Variants in WWOX observed in about 807,000 individuals in gnomAD.
WWOX encodes WW domain containing oxidoreductase.
WWOX carries 69 observed loss-of-function variants against 46.2 expected under a neutral mutation model. The observed-to-expected ratio is 1.49, with a 90% CI of 1.23 to 1.82. WWOX has a LOEUF of 1.82. Among genes scored for constraint, WWOX ranks in the 40% most tolerant of loss-of-function variants. The pLI, the probability that WWOX is intolerant of heterozygous loss-of-function variation, is 0.00. For synonymous variants in WWOX, 359 were observed against 202.6 expected (o/e 1.77, Z -6.56); for missense variants, 919 against 542.6 (o/e 1.69, Z -6.89).
At chr16:78,185,404 T>G (rs533643023) in intron 5 of WWOX, among the ~76,000 whole-genome samples, 77 of 152,276 alleles carry the variant, frequency 5.1e-4, no homozygotes, top group African/African-American at 1.9e-3. Context: ...TAGGAAGGAT[T>G]CACAGCTTTC....
At chr16:79,039,169 G>A (rs763215131) in intron 8 of WWOX, among the ~76,000 whole-genome samples, 14 of 152,110 alleles carry the variant, frequency 9.2e-5, no homozygotes, top group Non-Finnish European at 1.9e-4. Flanking sequence ...TGCAGGTGAT[G>A]CTCATGTTAC....
At chr16:78,489,974 C>A (rs1304297696) in intron 8 of WWOX, among the ~76,000 whole-genome samples, 1 of 152,134 alleles carries the variant, frequency 6.6e-6, no homozygotes, top group African/African-American at 2.4e-5. Flanking sequence ...ATAACCAATT[C>A]TTTTAAAAGA....
chr16:78,844,789 C>T (rs534662460), intron 8 of WWOX, among the ~76,000 whole-genome samples: 1 of 152,112 alleles, frequency 6.6e-6, no homozygotes, highest in Non-Finnish European at 1.5e-5. Context: ...TTTATGTATC[C>T]CCGGCCAGAG....
chr16:79,190,605 G>C (rs1353097782), intron 8 of WWOX, among the ~76,000 whole-genome samples: 1 of 152,204 alleles, frequency 6.6e-6, no homozygotes, highest in Non-Finnish European at 1.5e-5. Flanking sequence ...TTTGTCAAGG[G>C]AGGGAACTCA....
Position 78,632,557 on chromosome 16 carries a change from A to ATTTTTTTTTTTTTTTTTTTTT in WWOX, c.1056+199806_1056+199826dup, listed in dbSNP as rs545062752. The stretch of plus-strand genomic sequence containing the variant: ...CTCTCTTCCCCCACTTACTTGGCCA[A>ATTTTTTTTTTTTTTTTTTTTT]TTTTTTTTTTTTTTTTTTTTTGGTG... On this transcript the variant is annotated intron_variant, in intron 8 of 8. Coordinates refer to ENST00000566780, the MANE Select transcript of WWOX (RefSeq NM_016373.4). 5.4e-5 allele frequency among the ~76,000 whole-genome samples: 4 copies of ATTTTTTTTTTTTTTTTTTTTT among 74,748 alleles called. 1 individual carries two copies. The highest frequency in any genetic ancestry group is 9.6e-5 in the Non-Finnish European group (4 of 41,488). The allele number at this position is 74,748 out of a possible 152,430, so 49.0% of individuals were successfully genotyped here.
At chr16:78,257,159 T>A (rs1179825854) in intron 5 of WWOX, among the ~76,000 whole-genome samples, 1 of 152,070 alleles carries the variant, frequency 6.6e-6, no homozygotes, top group Admixed American at 6.6e-5. Flanking sequence ...TTTTTGTGAT[T>A]CTTCTAGGCT....
chr16:78,445,463 C>T (rs1446546827), intron 8 of WWOX, among the ~76,000 whole-genome samples: 1 of 152,094 alleles, frequency 6.6e-6, no homozygotes, highest in Non-Finnish European at 1.5e-5. Context: ...CTCATGGGGA[C>T]CGTATGTTGG....
At chr16:78,801,782 A>C (rs1219479900) in intron 8 of WWOX, among the ~76,000 whole-genome samples, 1 of 152,182 alleles carries the variant, frequency 6.6e-6, no homozygotes, top group African/African-American at 2.4e-5. Context: ...TTTCAGACAA[A>C]GGGACATTTC....
intron 8 of WWOX, among the ~76,000 whole-genome samples, chr16:78,625,654 A>C (rs77664573): frequency 6.6e-6 from 1 of 151,764 alleles, no homozygotes; most frequent in Non-Finnish European, 1.5e-5. Context: ...GGTTTTTGCC[A>C]TTAAAAGTAA....
intron 8 of WWOX, among the ~76,000 whole-genome samples, chr16:78,619,788 G>T (rs944896713): frequency 1.3e-5 from 2 of 151,740 alleles, no homozygotes; most frequent in African/African-American, 4.8e-5. Flanking sequence ...GCATGTCTGT[G>T]GTCCCAGCTA....
chr16:78,913,185 C>T (rs982309646), intron 8 of WWOX, among the ~76,000 whole-genome samples: 13 of 151,946 alleles, frequency 8.6e-5, no homozygotes, highest in African/African-American at 2.2e-4. Flanking sequence ...TGAGGAGATC[C>T]GAGACCTCAT....
chr16:78,778,555 C>T (rs1233960744), intron 8 of WWOX, among the ~76,000 whole-genome samples: 1 of 152,156 alleles, frequency 6.6e-6, no homozygotes, highest in Non-Finnish European at 1.5e-5. Context: ...CCAAGCTTCT[C>T]AGAAGAGCGA....
chr16:78,995,669 T>C (rs1021160853), intron 8 of WWOX, among the ~76,000 whole-genome samples: 1 of 152,194 alleles, frequency 6.6e-6, no homozygotes, highest in Admixed American at 6.5e-5. Flanking sequence ...ATTACATATA[T>C]AGCCAGCATT....
At chr16:78,321,006 G>A (rs2080455607) in intron 5 of WWOX, among the ~76,000 whole-genome samples, 1 of 152,022 alleles carries the variant, frequency 6.6e-6, no homozygotes, top group African/African-American at 2.4e-5. Flanking sequence ...TATTTATAAT[G>A]TACTCACACC....
intron 8 of WWOX, among the ~76,000 whole-genome samples, chr16:78,900,884 G>A (rs1026208745): frequency 7.9e-5 from 12 of 151,312 alleles, no homozygotes; most frequent in African/African-American, 2.7e-4. Context: ...TGATATTGTG[G>A]GAGATGGCTA....
At chr16:79,097,511 C>G (rs1284666066) in intron 8 of WWOX, among the ~76,000 whole-genome samples, 2 of 152,118 alleles carry the variant, frequency 1.3e-5, no homozygotes, top group Non-Finnish European at 2.9e-5. Flanking sequence ...CACCGCAGCG[C>G]TATCATATGC....
At chr16:79,097,710 G>T (rs2049105794) in intron 8 of WWOX, among the ~76,000 whole-genome samples, 1 of 152,148 alleles carries the variant, frequency 6.6e-6, no homozygotes, top group Admixed American at 6.5e-5. Flanking sequence ...ATCTTTGGAG[G>T]ATAAAGGATA....
At chr16:78,407,748 T>A (rs1046956669) in intron 6 of WWOX, among the ~76,000 whole-genome samples, 1 of 152,222 alleles carries the variant, frequency 6.6e-6, no homozygotes, top group African/African-American at 2.4e-5. Flanking sequence ...TTCAACGTCC[T>A]GTAGACCAAA....
At chr16:78,270,137 T>C (rs1004655493) in intron 5 of WWOX, 16 of 152,168 alleles carry the variant, frequency 1.1e-4, no homozygotes, top group African/African-American at 3.9e-4. Context: ...ATCTGCTTGA[T>C]TGGTTCATAG....
Sources: allele counts gnomAD v4.1 joint callset (sites outside exome capture counted in the v4.1 genomes callset), GRCh38; gene constraint gnomAD v4.1.1; transcripts MANE v1.5; gene names NCBI Gene and HGNC (gene_info 2026-07-23, HGNC 2026-07-21).